CIRSR: variants seen among roughly 807,000 people sequenced by gnomAD.
CIRSR encodes CBF1 (RBPJ) interacting corepressor 1.
chr2:174,366,714 A>G, the CIRSR span, among the ~76,000 whole-genome samples: 1 of 152,238 alleles, frequency 6.6e-6, no homozygotes, highest in Non-Finnish European at 1.5e-5. Flanking sequence ...GAAAACTGCA[A>G]AATACTGGGT....
At chr2:174,381,480 C>T in the CIRSR span, among the ~76,000 whole-genome samples, 1 of 152,010 alleles carries the variant, frequency 6.6e-6, no homozygotes, top group Admixed American at 6.6e-5. Context: ...TGGTGAAACT[C>T]TGTCTCTATT....
chr2:174,354,764 A>G, the CIRSR span, among the ~76,000 whole-genome samples: 880 of 74,024 alleles, frequency 0.012, 12 homozygotes, highest in African/African-American at 0.033. Flanking sequence ...TATTATATAT[A>G]TATATATTTT....
the CIRSR span, among the ~76,000 whole-genome samples, chr2:174,359,537 G>A: frequency 4.6e-5 from 7 of 151,962 alleles, no homozygotes; most frequent in African/African-American, 2.4e-5. Context: ...TTAGAATGGC[G>A]ATCATTAAAA....
At chr2:174,395,457 T>G in the CIRSR span, 1 of 1,246,790 alleles carries the variant, frequency 8.0e-7, no homozygotes, top group Non-Finnish European at 1.2e-6. Context: ...GAGGCTGTCC[T>G]AGGGATCTCA....
chr2:174,355,294 T>C, the CIRSR span, among the ~76,000 whole-genome samples: 2 of 152,210 alleles, frequency 1.3e-5, no homozygotes, highest in Admixed American at 1.3e-4. Context: ...ATAATTTCAA[T>C]TATAGCTGGA....
At chr2:174,354,541 ATAT>A in the CIRSR span, among the ~76,000 whole-genome samples, 2 of 56,388 alleles carry the variant, frequency 3.5e-5, no homozygotes, top group South Asian at 5.3e-4. Context: ...ATTATATAAT[ATAT>A]ATTATATTAT....
the CIRSR span, among the ~76,000 whole-genome samples, chr2:174,392,854 GC>G: frequency 6.6e-6 from 1 of 152,190 alleles, no homozygotes; most frequent in Non-Finnish European, 1.5e-5. Context: ...CTAGTAGATA[GC>G]TGTCTTGAGC....
the CIRSR span, among the ~76,000 whole-genome samples, chr2:174,377,369 G>A: frequency 6.6e-6 from 1 of 152,174 alleles, no homozygotes; most frequent in African/African-American, 2.4e-5. Flanking sequence ...GGGAGGAGGA[G>A]GCATTAGGTA....
At chr2:174,354,502 TTA>T in the CIRSR span, among the ~76,000 whole-genome samples, 31,491 of 67,030 alleles carry the variant, frequency 0.47, 6,976 homozygotes, top group South Asian at 0.64. Context: ...ATAAATTATA[TTA>T]TATATATCAT....
chr2:174,377,782 G>A, the CIRSR span, among the ~76,000 whole-genome samples: 42 of 122,360 alleles, frequency 3.4e-4, no homozygotes, highest in Admixed American at 2.8e-3. Context: ...CCGAGATTGC[G>A]CCACTGCACT....
At chr2:174,363,370 G>C in the CIRSR span, among the ~76,000 whole-genome samples, 2 of 152,156 alleles carry the variant, frequency 1.3e-5, no homozygotes, top group African/African-American at 4.8e-5. Flanking sequence ...CAAAAACAAG[G>C]ACACTAGAGG....
chr2:174,376,674 T>C, the CIRSR span, among the ~76,000 whole-genome samples: 28 of 151,774 alleles, frequency 1.8e-4, no homozygotes, highest in Admixed American at 3.9e-4. Flanking sequence ...GGCAGGCACC[T>C]GTAGTCCCAG....
chr2:174,377,552 C>T, the CIRSR span, among the ~76,000 whole-genome samples: 1 of 151,842 alleles, frequency 6.6e-6, no homozygotes, highest in Admixed American at 6.6e-5. Context: ...CATGGTGGCT[C>T]ATGTCTGTAA....
chr2:174,391,653 G>A, the CIRSR span, among the ~76,000 whole-genome samples: 2 of 152,232 alleles, frequency 1.3e-5, no homozygotes, highest in Admixed American at 6.5e-5. Flanking sequence ...GGAGAAAAAC[G>A]ATGGAGTGAG....
At chr2:174,392,715 G>A in the CIRSR span, among the ~76,000 whole-genome samples, 1 of 152,198 alleles carries the variant, frequency 6.6e-6, no homozygotes. Context: ...CAGGATGAGG[G>A]ACTGTTTTAC....
chr2:174,391,584 C>A, the CIRSR span, among the ~76,000 whole-genome samples: 1 of 151,896 alleles, frequency 6.6e-6, no homozygotes, highest in East Asian at 1.9e-4. Context: ...AGTGAGCCTC[C>A]ATCTCAAAAA....
the CIRSR span, among the ~76,000 whole-genome samples, chr2:174,377,048 T>C: frequency 2.0e-5 from 3 of 152,116 alleles, no homozygotes; most frequent in Admixed American, 1.3e-4. Context: ...CTGGAGTCTA[T>C]ACTACTCAGG....
At chr2:174,370,905 C>T in the CIRSR span, among the ~76,000 whole-genome samples, 14 of 106,304 alleles carry the variant, frequency 1.3e-4, no homozygotes, top group East Asian at 4.1e-3. Flanking sequence ...AGCGAGACTC[C>T]GTCTCAAAAA....
the CIRSR span, among the ~76,000 whole-genome samples, chr2:174,389,672 A>G: frequency 6.6e-6 from 1 of 152,176 alleles, no homozygotes; most frequent in Non-Finnish European, 1.5e-5. Flanking sequence ...TCTCCAGGGT[A>G]TGTCAGAGAC....
Sources: gnomAD v4.1 joint callset for allele counts (sites outside exome capture counted in the v4.1 genomes callset) on GRCh38, gnomAD v4.1.1 for gene constraint, MANE v1.5 for transcripts, NCBI Gene and HGNC (gene_info 2026-07-23, HGNC 2026-07-21) for gene names.